NTRK2: variants seen among roughly 807,000 people sequenced by gnomAD.
NTRK2 encodes BDNF/NT-3 growth factors receptor.
NTRK2 carries 13 observed loss-of-function variants against 94.5 expected under a neutral mutation model. The ratio of observed to expected loss-of-function variants is 0.14; its 90% CI spans 0.09 to 0.22. NTRK2 has a LOEUF of 0.22. Ranked by LOEUF, NTRK2 falls within the 10% of genes least tolerant of loss-of-function variation. The pLI, the probability that NTRK2 is intolerant of heterozygous loss-of-function variation, is 1.00. For synonymous variants in NTRK2, 372 were observed against 407.4 expected (o/e 0.91, Z 1.05); for missense variants, 639 against 1,071.2 (o/e 0.60, Z 5.63).
chr9:84,876,284 A>G, intron 14 of NTRK2: 1 of 1,045,312 alleles, frequency 9.6e-7, no homozygotes, highest in East Asian at 5.6e-5. Context: ...ACTTTAGGGA[A>G]TGCCTTTACT....
intron 9 of NTRK2, among the ~76,000 whole-genome samples, chr9:84,738,081 C>T (rs2063382366): frequency 6.6e-6 from 1 of 151,188 alleles, no homozygotes; most frequent in Non-Finnish European, 1.5e-5. Context: ...TTTGGAACTC[C>T]AGTGGGTTGA....
chr9:84,702,268 G>T (rs367903094), intron 3 of NTRK2, 35 bp downstream of exon 3: 2 of 1,611,976 alleles, frequency 1.2e-6, no homozygotes, highest in Non-Finnish European at 8.5e-7. Flanking sequence ...TTATCTCAGA[G>T]AATTTTCCTG....
chr9:84,957,895 A>C (rs1824353039), intron 17 of NTRK2, among the ~76,000 whole-genome samples: 1 of 152,256 alleles, frequency 6.6e-6, no homozygotes, highest in Non-Finnish European at 1.5e-5. Flanking sequence ...CATACAATGG[A>C]ATATTATTCA....
intron 12 of NTRK2, among the ~76,000 whole-genome samples, chr9:84,845,483 A>T (rs185667364): frequency 1.2e-3 from 186 of 152,316 alleles, no homozygotes; most frequent in Non-Finnish European, 2.3e-3. Flanking sequence ...AATCTTGCTA[A>T]CTTCTGAATT....
chr9:84,881,501 T>C (rs2076253557), intron 14 of NTRK2, among the ~76,000 whole-genome samples: 1 of 152,230 alleles, frequency 6.6e-6, no homozygotes, highest in African/African-American at 2.4e-5. Flanking sequence ...AACAAACAAG[T>C]GCTTTGGCAT....
chr9:84,886,401 T>A (rs1265380471), intron 14 of NTRK2, among the ~76,000 whole-genome samples: 1 of 152,188 alleles, frequency 6.6e-6, no homozygotes, highest in Non-Finnish European at 1.5e-5. Flanking sequence ...GCCCAACATT[T>A]GATGGTTTGG....
chr9:84,743,238 A>G (rs994296886), intron 10 of NTRK2, among the ~76,000 whole-genome samples: 1 of 152,246 alleles, frequency 6.6e-6, no homozygotes, highest in African/African-American at 2.4e-5. Context: ...GTGGAAGGCT[A>G]CATTTCAAGA....
At chr9:84,818,144 C>T (rs896124283) in intron 12 of NTRK2, among the ~76,000 whole-genome samples, 4 of 152,052 alleles carry the variant, frequency 2.6e-5, no homozygotes, top group South Asian at 2.1e-4. Context: ...TGTATTGTAA[C>T]GATTAGGAAA....
At chr9:84,929,224 C>T (rs1173381536) in intron 14 of NTRK2, among the ~76,000 whole-genome samples, 1 of 152,138 alleles carries the variant, frequency 6.6e-6, no homozygotes, top group Admixed American at 6.5e-5. Context: ...ATGTCAGCTG[C>T]TGAAGACACA....
chr9:84,740,519 CAT>C (rs2063566309), intron 9 of NTRK2, among the ~76,000 whole-genome samples: 1 of 152,216 alleles, frequency 6.6e-6, no homozygotes, highest in Non-Finnish European at 1.5e-5. Context: ...TTTCCCATCA[CAT>C]GTGGCTGCAC....
intron 2 of NTRK2, among the ~76,000 whole-genome samples, chr9:84,675,294 C>A (rs1323955426): frequency 1.3e-5 from 1 of 75,708 alleles, no homozygotes; most frequent in Non-Finnish European, 3.0e-5. Context: ...AATTGAATTT[C>A]TTTTCTCTTC....
chr9:84,850,247 G>A (rs145164250), intron 12 of NTRK2, among the ~76,000 whole-genome samples: 1 of 151,892 alleles, frequency 6.6e-6, no homozygotes, highest in East Asian at 1.9e-4. Flanking sequence ...AACATCAAAC[G>A]CAAAGACACC....
At chr9:84,877,517 T>C (rs2132169660) in intron 14 of NTRK2, 1 of 1,066,654 alleles carries the variant, frequency 9.4e-7, no homozygotes, top group Admixed American at 5.3e-5. Context: ...AAGCTCCCCA[T>C]GTGGCCAAGG....
intron 12 of NTRK2, among the ~76,000 whole-genome samples, chr9:84,807,593 A>T (rs2071272250): frequency 6.6e-6 from 1 of 152,232 alleles, no homozygotes. Context: ...TTGTCAAAAT[A>T]TCTATATTTC....
At chr9:84,729,105 G>A (rs1192055346) in intron 9 of NTRK2, among the ~76,000 whole-genome samples, 1 of 152,100 alleles carries the variant, frequency 6.6e-6, no homozygotes, top group Admixed American at 6.6e-5. Context: ...TGGCTCCCAG[G>A]GCCCCCCCAC....
chr9:84,812,514 A>G, intron 12 of NTRK2: 1 of 1,047,532 alleles, frequency 9.5e-7, no homozygotes, highest in Non-Finnish European at 1.2e-6. Context: ...AGTTTCTGTC[A>G]TTACTTAGAT....
intron 17 of NTRK2, among the ~76,000 whole-genome samples, chr9:84,976,430 G>C (rs999533721): frequency 6.6e-6 from 1 of 152,090 alleles, no homozygotes; most frequent in Non-Finnish European, 1.5e-5. Context: ...GAGGAGTGAG[G>C]GCTTCAACAT....
chr9:84,859,391 T>C (rs935649196), intron 12 of NTRK2, among the ~76,000 whole-genome samples: 6 of 152,236 alleles, frequency 3.9e-5, no homozygotes, highest in African/African-American at 1.4e-4. Context: ...GTTGTAGCAA[T>C]TTGATAACCT....
chr9:84,676,979 G>GTGTA, intron 2 of NTRK2, among the ~76,000 whole-genome samples: 1 of 152,130 alleles, frequency 6.6e-6, no homozygotes, highest in Admixed American at 6.5e-5. Context: ...GTGTGTGTGT[G>GTGTA]TGTTAAATTT....
Sources: allele counts gnomAD v4.1 joint callset (sites outside exome capture counted in the v4.1 genomes callset), GRCh38; gene constraint gnomAD v4.1.1; transcripts MANE v1.5; gene names NCBI Gene and HGNC (gene_info 2026-07-23, HGNC 2026-07-21).